Variants in RBFOX1 observed in about 807,000 individuals in gnomAD.
The protein encoded by RBFOX1 is RNA binding fox-1 homolog 1, also known as RNA binding protein fox-1 homolog 1.
A neutral mutation model predicts 57.7 loss-of-function variants in RBFOX1; 8 were observed. The observed-to-expected ratio is 0.14, with a 90% CI of 0.08 to 0.25. The LOEUF is 0.25. Among genes scored for constraint, RBFOX1 ranks in the 10% least tolerant of loss-of-function variants. The pLI, the probability that RBFOX1 is intolerant of heterozygous loss-of-function variation, is 1.00. For synonymous variants in RBFOX1, 326 were observed against 222.4 expected, an observed-to-expected ratio of 1.47 and a Z score of -4.15; for missense variants, 611 against 548.5, an observed-to-expected ratio of 1.11 and a Z score of -1.14.
intron 2 of RBFOX1, among the ~76,000 whole-genome samples, chr16:6,567,650 C>G (rs549590782): frequency 6.6e-6 from 1 of 152,310 alleles, no homozygotes; most frequent in South Asian, 2.1e-4. Context: ...CATCCCAGCA[C>G]TACACCAGTG....
At chr16:5,798,947 G>T (rs760223140) in intron 3 of RBFOX1, among the ~76,000 whole-genome samples, 9 of 152,130 alleles carry the variant, frequency 5.9e-5, no homozygotes, top group Non-Finnish European at 1.0e-4. Flanking sequence ...ACTCCTGCAA[G>T]ATCTCGGGTG....
intron 1 of RBFOX1, among the ~76,000 whole-genome samples, chr16:5,444,852 G>A (rs2068194161): frequency 1.3e-5 from 2 of 152,186 alleles, no homozygotes; most frequent in Non-Finnish European, 2.9e-5. Context: ...CAGGATAGCT[G>A]AATATCAGCA....
intron 1 of RBFOX1, among the ~76,000 whole-genome samples, chr16:6,228,943 A>G (rs1232023894): frequency 2.6e-5 from 4 of 152,292 alleles, no homozygotes; most frequent in Non-Finnish European, 5.9e-5. Context: ...AATAATTAGA[A>G]ACAAACAAAA....
chr16:5,799,249 G>A (rs913077356), intron 3 of RBFOX1, among the ~76,000 whole-genome samples: 5 of 152,012 alleles, frequency 3.3e-5, no homozygotes, highest in African/African-American at 1.2e-4. Flanking sequence ...GGGGGAAACT[G>A]CCCCCATGAC....
chr16:6,725,805 G>A (rs760776577), intron 3 of RBFOX1, among the ~76,000 whole-genome samples: 1 of 152,038 alleles, frequency 6.6e-6, no homozygotes, highest in Non-Finnish European at 1.5e-5. Context: ...TTCTGGCGCC[G>A]TGTGTGCTCT....
chr16:5,392,087 C>T (rs796711829), intron 1 of RBFOX1, among the ~76,000 whole-genome samples: 8 of 151,842 alleles, frequency 5.3e-5, no homozygotes, highest in Non-Finnish European at 7.4e-5. Context: ...GCTATGAGGA[C>T]GCAAAGGCAT....
intron 3 of RBFOX1, among the ~76,000 whole-genome samples, chr16:5,720,394 G>C (rs992710656): frequency 1.2e-4 from 19 of 152,116 alleles, no homozygotes; most frequent in East Asian, 3.8e-4. Context: ...GCTATTATTA[G>C]CTAACTTTCC....
chr16:6,879,838 G>A (rs1309039683), intron 3 of RBFOX1, among the ~76,000 whole-genome samples: 1 of 152,174 alleles, frequency 6.6e-6, no homozygotes, highest in Non-Finnish European at 1.5e-5. Context: ...AATTTACAAA[G>A]AGGTTTGAGA....
intron 3 of RBFOX1, among the ~76,000 whole-genome samples, chr16:6,998,103 T>C (rs984957533): frequency 6.6e-6 from 1 of 152,120 alleles, no homozygotes; most frequent in East Asian, 1.9e-4. Context: ...TTATATTTAG[T>C]GTACAATAGC....
chr16:6,701,300 C>A (rs1235776036), intron 3 of RBFOX1, among the ~76,000 whole-genome samples: 1 of 152,238 alleles, frequency 6.6e-6, no homozygotes, highest in Admixed American at 6.5e-5. Flanking sequence ...ACAGCTGTGG[C>A]TGCCTGCTGA....
At chr16:6,789,284 C>T (rs752655820) in intron 3 of RBFOX1, among the ~76,000 whole-genome samples, 1 of 152,172 alleles carries the variant, frequency 6.6e-6, no homozygotes, top group Admixed American at 6.5e-5. Flanking sequence ...AACTTAAATA[C>T]AGCAGTTGAT....
At chr16:7,495,360 T>C (rs1437652431) in intron 4 of RBFOX1, among the ~76,000 whole-genome samples, 1 of 152,234 alleles carries the variant, frequency 6.6e-6, no homozygotes, top group East Asian at 1.9e-4. Flanking sequence ...GATTGAAGAG[T>C]AGCTCTGTTT....
chr16:6,932,965 A>C (rs1567950719), intron 3 of RBFOX1, among the ~76,000 whole-genome samples: 2 of 152,170 alleles, frequency 1.3e-5, no homozygotes, highest in African/African-American at 4.8e-5. Flanking sequence ...TGACTGCTCT[A>C]GTATCTCATG....
intron 4 of RBFOX1, among the ~76,000 whole-genome samples, chr16:7,124,009 C>A (rs572446510): frequency 5.9e-5 from 9 of 152,124 alleles, no homozygotes; most frequent in Admixed American, 2.0e-4. Flanking sequence ...CTATTTAATT[C>A]TAAAAATGGA....
At chr16:6,973,385 T>G (rs1269642038) in intron 3 of RBFOX1, among the ~76,000 whole-genome samples, 2 of 152,212 alleles carry the variant, frequency 1.3e-5, no homozygotes, top group Non-Finnish European at 2.9e-5. Context: ...AATTCAACTA[T>G]AAGAGATAAT....
chr16:5,828,690 AAAAAG>A (rs571334923), intron 3 of RBFOX1, among the ~76,000 whole-genome samples: 101 of 147,000 alleles, frequency 6.9e-4, no homozygotes, highest in South Asian at 1.0e-3. Flanking sequence ...CGAGACTCCA[AAAAAG>A]AAAAGAAAAG....
At chr16:6,044,542 A>G (rs1292266345) in intron 1 of RBFOX1, among the ~76,000 whole-genome samples, 1 of 152,192 alleles carries the variant, frequency 6.6e-6, no homozygotes, top group African/African-American at 2.4e-5. Context: ...TGAGCTAATT[A>G]CAGAGAGTGG....
chr16:7,382,518 G>A (rs2097796752), intron 4 of RBFOX1, among the ~76,000 whole-genome samples: 1 of 152,194 alleles, frequency 6.6e-6, no homozygotes, highest in Admixed American at 6.5e-5. Context: ...TACAAAGATA[G>A]TGCAGCAGAG....
At chr16:7,087,857 G>C (rs1045910664) in intron 4 of RBFOX1, among the ~76,000 whole-genome samples, 1 of 152,132 alleles carries the variant, frequency 6.6e-6, no homozygotes, top group African/African-American at 2.4e-5. Context: ...TGATGTATTT[G>C]TGGGTAGGTA....
Sources: allele counts gnomAD v4.1 joint callset (sites outside exome capture counted in the v4.1 genomes callset), GRCh38; gene constraint gnomAD v4.1.1; transcripts MANE v1.5; gene names NCBI Gene and HGNC (gene_info 2026-07-23, HGNC 2026-07-21).